PVT1: variants seen among roughly 807,000 people sequenced by gnomAD.
The protein encoded by PVT1 is Pvt1 oncogene, also known as CXCR4/PVT1 fusion.
At chr8:127,799,108 T>A (rs1249672945) in intron 2 of PVT1, among the ~76,000 whole-genome samples, 1 of 151,888 alleles carries the variant, frequency 6.6e-6, no homozygotes, top group Non-Finnish European at 1.5e-5. Context: ...TATCTTTTCC[T>A]TTTTGTGTGT....
At chr8:127,992,036 G>A (rs1817047689) in intron 4 of PVT1, among the ~76,000 whole-genome samples, 1 of 149,154 alleles carries the variant, frequency 6.7e-6, no homozygotes, top group Non-Finnish European at 1.5e-5. Context: ...CTCTGGGCAA[G>A]TCTTTTACAG....
intron 3 of PVT1, among the ~76,000 whole-genome samples, chr8:127,934,672 T>G (rs1816250516): frequency 6.6e-6 from 1 of 151,600 alleles, no homozygotes. Flanking sequence ...TTTGTTTACA[T>G]GTTCCCTTCA....
intron 3 of PVT1, among the ~76,000 whole-genome samples, chr8:127,949,393 G>C (rs1816467596): frequency 6.7e-6 from 1 of 150,218 alleles, no homozygotes; most frequent in Non-Finnish European, 1.5e-5. Context: ...GTGTGTGTGT[G>C]TGTGTGTGTG....
At chr8:127,977,499 G>A (rs1417350580) in intron 3 of PVT1, among the ~76,000 whole-genome samples, 4 of 152,200 alleles carry the variant, frequency 2.6e-5, no homozygotes, top group Non-Finnish European at 5.9e-5. Flanking sequence ...TTGGGAGGCT[G>A]AGGTGGGCGG....
chr8:127,996,195 A>C (rs752499052), intron 4 of PVT1, among the ~76,000 whole-genome samples: 2 of 152,108 alleles, frequency 1.3e-5, no homozygotes, highest in Admixed American at 6.6e-5. Context: ...AATTTGTAAC[A>C]AAGTAAATCA....
intron 2 of PVT1, among the ~76,000 whole-genome samples, chr8:127,854,141 G>A (rs1044221605): frequency 9.3e-5 from 11 of 118,352 alleles, no homozygotes; most frequent in Non-Finnish European, 1.7e-4. Context: ...TGCGGCAGCC[G>A]GGAAGCAGGG....
intron 2 of PVT1, among the ~76,000 whole-genome samples, chr8:127,809,457 G>T (rs1476971196): frequency 6.6e-6 from 1 of 152,198 alleles, no homozygotes. Flanking sequence ...ACCTCCCAAA[G>T]TGTTGGAATT....
At chr8:127,964,880 C>T (rs527573809) in intron 3 of PVT1, among the ~76,000 whole-genome samples, 1 of 152,256 alleles carries the variant, frequency 6.6e-6, no homozygotes, top group African/African-American at 2.4e-5. Context: ...TTGCAGCTCT[C>T]CTACTCTTGA....
chr8:128,027,938 G>A (rs1438200193), intron 4 of PVT1, among the ~76,000 whole-genome samples: 2 of 152,196 alleles, frequency 1.3e-5, no homozygotes, highest in African/African-American at 4.8e-5. Context: ...TCATACCTGA[G>A]GCCCCCAGCT....
At chr8:127,887,730 T>C (rs1223230667) in intron 2 of PVT1, among the ~76,000 whole-genome samples, 1 of 151,926 alleles carries the variant, frequency 6.6e-6, no homozygotes, top group Non-Finnish European at 1.5e-5. Context: ...TTTCACCACG[T>C]TGGCCAGTCT....
chr8:128,035,515 G>A (rs766682087), intron 4 of PVT1, among the ~76,000 whole-genome samples: 15 of 152,188 alleles, frequency 9.9e-5, no homozygotes, highest in Non-Finnish European at 1.8e-4. Context: ...GCTAGGTGCT[G>A]GGAATGTGAT....
At chr8:127,929,667 C>T (rs1281519094) in intron 3 of PVT1, among the ~76,000 whole-genome samples, 5 of 152,050 alleles carry the variant, frequency 3.3e-5, no homozygotes, top group African/African-American at 1.2e-4. Flanking sequence ...ACTCGGGAGG[C>T]TGAGGCAGGA....
intron 2 of PVT1, among the ~76,000 whole-genome samples, chr8:127,859,427 C>G (rs1248705248): frequency 6.6e-6 from 1 of 152,142 alleles, no homozygotes; most frequent in Non-Finnish European, 1.5e-5. Flanking sequence ...TGACTCCAAA[C>G]TTGAACTCTG....
intron 3 of PVT1, among the ~76,000 whole-genome samples, chr8:127,902,149 A>G (rs1419397437): frequency 6.6e-6 from 1 of 152,198 alleles, no homozygotes; most frequent in Non-Finnish European, 1.5e-5. Flanking sequence ...ACCTGTGAAC[A>G]GAATGGCCAA....
In PVT1 at chr8:128,077,075, T is replaced by C. The variant is rs1814100701; in HGVS notation, n.1114+6714T>C. ...GTTTCCCTAGGGGGCCCAATGAGGCTTTCCATGTAGGGCAAGAGTTATGGC... is the reference window on the plus strand; with the variant it reads ...GTTTCCCTAGGGGGCCCAATGAGGCCTTCCATGTAGGGCAAGAGTTATGGC... On this transcript the variant is annotated intron_variant and non_coding_transcript_variant, in intron 5 of 10. Transcript: ENST00000651587. Among the ~76,000 whole-genome samples, 6 of 152,190 alleles carry C rather than the reference T, an allele frequency of 3.9e-5. No homozygotes were observed. The South Asian group carries it at 1.2e-3, about 31-fold the overall frequency.
chr8:127,967,697 G>A (rs182256354), intron 3 of PVT1, among the ~76,000 whole-genome samples: 12 of 152,344 alleles, frequency 7.9e-5, no homozygotes, highest in Admixed American at 6.5e-4. Context: ...TACCGCTCCT[G>A]CCACAAAGAC....
chr8:127,820,378 A>G (rs1814714961), intron 2 of PVT1, among the ~76,000 whole-genome samples: 3 of 152,230 alleles, frequency 2.0e-5, no homozygotes, highest in Admixed American at 2.0e-4. Context: ...TTTTAAGGAT[A>G]AAAATGTTGC....
At chr8:128,076,021 G>A (rs983379896) in intron 5 of PVT1, among the ~76,000 whole-genome samples, 20 of 152,230 alleles carry the variant, frequency 1.3e-4, no homozygotes, top group South Asian at 8.3e-4. Context: ...GTTGTCAGAG[G>A]GACCAGAGTT....
chr8:127,813,197 T>TA (rs1814619278), intron 2 of PVT1, among the ~76,000 whole-genome samples: 1 of 147,048 alleles, frequency 6.8e-6, no homozygotes, highest in Non-Finnish European at 1.5e-5. Flanking sequence ...TATACAAATA[T>TA]ATATAATATA....
Sources: gnomAD v4.1 joint callset for allele counts (sites outside exome capture counted in the v4.1 genomes callset) on GRCh38, gnomAD v4.1.1 for gene constraint, MANE v1.5 for transcripts, NCBI Gene and HGNC (gene_info 2026-07-23, HGNC 2026-07-21) for gene names.